Variants in MAF observed in about 807,000 individuals in gnomAD.
MAF encodes MAF bZIP transcription factor.
A neutral mutation model predicts 22.0 loss-of-function variants in MAF; 10 were observed. That is an observed-to-expected ratio of 0.45 (90% CI 0.28 to 0.77). MAF has a LOEUF of 0.77. Ranked by LOEUF, MAF falls within the 30% of genes least tolerant of loss-of-function variation. MAF has a pLI of 0.12. For synonymous variants in MAF, 337 were observed against 255.8 expected (o/e 1.32, Z -3.03); for missense variants, 544 against 548.4 (o/e 0.99, Z 0.08).
At chr16:79,495,366 G>C in the MAF span, among the ~76,000 whole-genome samples, 1 of 152,088 alleles carries the variant, frequency 6.6e-6, no homozygotes, top group Non-Finnish European at 1.5e-5. Context: ...AGGAAGCTGA[G>C]GTAGGAGGAT....
chr16:79,300,128 T>C, the MAF span, among the ~76,000 whole-genome samples: 1 of 152,224 alleles, frequency 6.6e-6, no homozygotes, highest in Non-Finnish European at 1.5e-5. Context: ...TAATATATGT[T>C]AGTTATTATT....
the MAF span, among the ~76,000 whole-genome samples, chr16:79,409,847 G>T: frequency 6.6e-6 from 1 of 152,172 alleles, no homozygotes; most frequent in Admixed American, 6.5e-5. Context: ...TAATCCCATA[G>T]CCACTAGCCA....
At chr16:79,335,679 G>A in the MAF span, among the ~76,000 whole-genome samples, 1 of 152,194 alleles carries the variant, frequency 6.6e-6, no homozygotes, top group Non-Finnish European at 1.5e-5. Flanking sequence ...GATCATTAAT[G>A]AGTTTCCATG....
the MAF span, among the ~76,000 whole-genome samples, chr16:79,277,329 C>G: frequency 6.6e-6 from 1 of 152,176 alleles, no homozygotes; most frequent in Non-Finnish European, 1.5e-5. Context: ...GGTGCCCATT[C>G]CACCCACAAA....
At chr16:79,590,010 C>T (rs982136923), downstream of MAF, among the ~76,000 whole-genome samples, 6 of 152,160 alleles carry the variant, frequency 3.9e-5, no homozygotes, top group Non-Finnish European at 1.5e-5. Context: ...CTTCGGGACC[C>T]GCCCCCTCTG....
chr16:79,310,598 T>C, the MAF span, among the ~76,000 whole-genome samples: 1 of 152,258 alleles, frequency 6.6e-6, no homozygotes, highest in South Asian at 2.1e-4. Context: ...AAACAAAGGC[T>C]CCTGTATCCG....
the MAF span, among the ~76,000 whole-genome samples, chr16:79,483,880 C>T: frequency 1.1e-4 from 17 of 152,296 alleles, no homozygotes; most frequent in African/African-American, 9.6e-5. Context: ...TGGTCATCTT[C>T]GCCTTCTGTC....
the MAF span, chr16:79,212,467 T>C: frequency 4.2e-6 from 1 of 235,926 alleles, no homozygotes; most frequent in South Asian, 8.9e-5. Flanking sequence ...TTTCAAATCA[T>C]TCCTTAGATA....
At chr16:79,395,241 A>T in the MAF span, among the ~76,000 whole-genome samples, 3 of 152,256 alleles carry the variant, frequency 2.0e-5, no homozygotes, top group African/African-American at 7.2e-5. Flanking sequence ...CAAACCAAGG[A>T]GCTGGATCAT....
the MAF span, among the ~76,000 whole-genome samples, chr16:79,263,783 C>T: frequency 6.6e-6 from 1 of 152,150 alleles, no homozygotes; most frequent in African/African-American, 2.4e-5. Flanking sequence ...TGTGACTGGT[C>T]TTCTGTCTGG....
chr16:79,320,453 A>T, the MAF span, among the ~76,000 whole-genome samples: 27 of 152,180 alleles, frequency 1.8e-4, no homozygotes, highest in African/African-American at 6.0e-4. Context: ...TCAGCCCATG[A>T]GTTCAGTGGA....
chr16:79,473,363 T>C, the MAF span, among the ~76,000 whole-genome samples: 1 of 152,206 alleles, frequency 6.6e-6, no homozygotes, highest in Non-Finnish European at 1.5e-5. Flanking sequence ...CTTCACTCCT[T>C]TTAACAATTC....
the MAF span, among the ~76,000 whole-genome samples, chr16:79,418,793 A>T: frequency 6.6e-5 from 10 of 152,308 alleles, no homozygotes; most frequent in East Asian, 1.9e-3. Context: ...TCATTATCTC[A>T]TATCAGGAGC....
the MAF span, among the ~76,000 whole-genome samples, chr16:79,482,926 C>T: frequency 9.7e-6 from 1 of 102,946 alleles, no homozygotes; most frequent in African/African-American, 3.9e-5. Flanking sequence ...CCCTCCCTCC[C>T]TCTCCTCTCC....
chr16:79,244,112 C>G, the MAF span, among the ~76,000 whole-genome samples: 1 of 152,016 alleles, frequency 6.6e-6, no homozygotes, highest in Non-Finnish European at 1.5e-5. Flanking sequence ...CAGTATCATA[C>G]TGAAGGGGCA....
the MAF span, among the ~76,000 whole-genome samples, chr16:79,387,808 A>G: frequency 6.6e-6 from 1 of 152,238 alleles, no homozygotes; most frequent in African/African-American, 2.4e-5. Context: ...AATAAAATTA[A>G]ATGATTAGAA....
At chr16:79,269,411 C>A in the MAF span, among the ~76,000 whole-genome samples, 1 of 152,102 alleles carries the variant, frequency 6.6e-6, no homozygotes. Context: ...CAGTCAGGAA[C>A]AAGATTTTAC....
At chr16:79,284,496 C>T in the MAF span, among the ~76,000 whole-genome samples, 2 of 152,136 alleles carry the variant, frequency 1.3e-5, no homozygotes, top group African/African-American at 4.8e-5. Flanking sequence ...ATTGCAGACG[C>T]CTAACATAAA....
At chr16:79,389,950 AC>A in the MAF span, among the ~76,000 whole-genome samples, 1 of 131,220 alleles carries the variant, frequency 7.6e-6, no homozygotes, top group Non-Finnish European at 1.6e-5. Flanking sequence ...CACCTCCAGC[AC>A]GGGCAACACA....
Sources: allele counts gnomAD v4.1 joint callset (sites outside exome capture counted in the v4.1 genomes callset), GRCh38; gene constraint gnomAD v4.1.1; transcripts MANE v1.5; gene names NCBI Gene and HGNC (gene_info 2026-07-23, HGNC 2026-07-21).